UBTD2: variants seen among roughly 807,000 people sequenced by gnomAD.
UBTD2 encodes ubiquitin domain containing 2.
Under a neutral mutation model 19.8 loss-of-function variants are expected in UBTD2, and 9 were observed. That is an observed-to-expected ratio of 0.46 (90% CI 0.27 to 0.79). The LOEUF is 0.79. UBTD2 is among the 30% of genes least tolerant of loss of function. The probability of loss-of-function intolerance (pLI) is 0.14; values close to 1 mark genes in which losing one functional copy is unlikely to be tolerated. For synonymous variants in UBTD2, 98 were observed against 103.9 expected, an observed-to-expected ratio of 0.94 and a Z score of 0.35; for missense variants, 250 against 300.4, an observed-to-expected ratio of 0.83 and a Z score of 1.24.
At chr5:172,234,546 A>G (rs911210803) in intron 1 of UBTD2, among the ~76,000 whole-genome samples, 188 bp from the exon 2 acceptor site, 1 of 152,258 alleles carries the variant, frequency 6.6e-6, no homozygotes, top group Non-Finnish European at 1.5e-5. Context: ...TAGAGACATT[A>G]GACTGCTCTA....
At chr5:172,266,779 G>A (rs778125414) in intron 1 of UBTD2, among the ~76,000 whole-genome samples, 5 of 152,192 alleles carry the variant, frequency 3.3e-5, no homozygotes, top group South Asian at 4.1e-4. Context: ...GCTCATGCCT[G>A]TGATCCCAAC....
chr5:172,272,912 C>A (rs1755524904), intron 1 of UBTD2, among the ~76,000 whole-genome samples: 1 of 152,014 alleles, frequency 6.6e-6, no homozygotes, highest in Non-Finnish European at 1.5e-5. Flanking sequence ...AACCCCATCT[C>A]TACTAAAAAT....
chr5:172,249,012 A>T (rs895294113), intron 1 of UBTD2, among the ~76,000 whole-genome samples: 1 of 152,086 alleles, frequency 6.6e-6, no homozygotes, highest in African/African-American at 2.4e-5. Context: ...AAATAGAAAG[A>T]CTTTTAGCTA....
At chr5:172,273,548 A>ACG (rs1327367970) in intron 1 of UBTD2, among the ~76,000 whole-genome samples, 28 of 139,686 alleles carry the variant, frequency 2.0e-4, no homozygotes, top group African/African-American at 7.5e-4. Context: ...CCGAGATTGT[A>ACG]CCACTGCGCT....
chr5:172,242,385 T>C (rs1772150249), intron 1 of UBTD2: 1 of 985,274 alleles, frequency 1.0e-6, no homozygotes, highest in East Asian at 1.1e-4. Flanking sequence ...CCAAAATGTT[T>C]TTCATACCAA....
At chr5:172,232,519 A>C (rs1345036999) in intron 2 of UBTD2, among the ~76,000 whole-genome samples, 1 of 152,172 alleles carries the variant, frequency 6.6e-6, no homozygotes, top group Non-Finnish European at 1.5e-5. Context: ...AAGCACAATT[A>C]ATCAGAAAAC....
chr5:172,234,460 C>T, intron 1 of UBTD2, 102 bp from the exon 2 acceptor site: 2 of 1,035,916 alleles, frequency 1.9e-6, no homozygotes, highest in South Asian at 3.0e-5. Flanking sequence ...ATCAAAATCA[C>T]AGCCAGAAAT....
intron 1 of UBTD2, among the ~76,000 whole-genome samples, chr5:172,278,527 A>T (rs1755651625): frequency 6.6e-6 from 1 of 152,096 alleles, no homozygotes; most frequent in African/African-American, 2.4e-5. Context: ...GGGGAAAAAA[A>T]AAAAAAAGCG....
chr5:172,255,762 G>A (rs1755131811), intron 1 of UBTD2, among the ~76,000 whole-genome samples: 1 of 152,122 alleles, frequency 6.6e-6, no homozygotes, highest in South Asian at 2.1e-4. Context: ...ACCCAGGGTG[G>A]GAGGGTCAGG....
At chr5:172,274,963 C>A (rs1026254419) in intron 1 of UBTD2, among the ~76,000 whole-genome samples, 1 of 152,164 alleles carries the variant, frequency 6.6e-6, no homozygotes, top group Non-Finnish European at 1.5e-5. Context: ...ATGAACCCAG[C>A]AGGTGGAGTT....
chr5:172,276,297 C>A (rs1483591029), intron 1 of UBTD2, among the ~76,000 whole-genome samples: 1 of 152,118 alleles, frequency 6.6e-6, no homozygotes, highest in Non-Finnish European at 1.5e-5. Flanking sequence ...TCAGTACATT[C>A]TTTTCATCAG....
chr5:172,245,895 C>T (rs775326596), intron 1 of UBTD2, among the ~76,000 whole-genome samples: 1 of 152,172 alleles, frequency 6.6e-6, no homozygotes, highest in Non-Finnish European at 1.5e-5. Context: ...TGATTGCCTG[C>T]TGAAACAAAA....
intron 2 of UBTD2, among the ~76,000 whole-genome samples, chr5:172,232,613 C>A (rs886818310): frequency 6.6e-5 from 10 of 152,134 alleles, no homozygotes; most frequent in Non-Finnish European, 1.3e-4. Flanking sequence ...ATAACCTCAG[C>A]ACTTTGGGAG....
intron 1 of UBTD2, among the ~76,000 whole-genome samples, chr5:172,272,657 G>C (rs1755517459): frequency 6.6e-6 from 1 of 152,182 alleles, no homozygotes; most frequent in African/African-American, 2.4e-5. Flanking sequence ...GCAAAATTTT[G>C]TTACTAGTGA....
chr5:172,250,543 T>C (rs1044902056), intron 1 of UBTD2, among the ~76,000 whole-genome samples: 9 of 152,106 alleles, frequency 5.9e-5, no homozygotes, highest in Admixed American at 5.9e-4. Flanking sequence ...CAAAAAAGTC[T>C]TAGGAACTGT....
In UBTD2 at chr5:172,231,682, A is replaced by G. The variant is rs138748953; in HGVS notation, c.307+2440T>C. On this transcript the variant is annotated intron_variant, in intron 2 of 2. Coordinates refer to ENST00000393792, the MANE Select transcript of UBTD2 (RefSeq NM_152277.3). ...ACAAAATAAGAAATTCAAAGTTCCA[A>G]CATTCTGGATCTCACACAATCACAC... is the stretch of plus-strand genomic sequence containing the variant. Among the ~76,000 whole-genome samples, 3 of 152,314 alleles carry G rather than the reference A, an allele frequency of 2.0e-5. No homozygotes were observed. The East Asian group carries it at 5.8e-4, about 29-fold the overall frequency.
chr5:172,259,033 G>C (rs1755214380), intron 1 of UBTD2, among the ~76,000 whole-genome samples: 1 of 152,184 alleles, frequency 6.6e-6, no homozygotes, highest in African/African-American at 2.4e-5. Flanking sequence ...TGGTTCTCAA[G>C]GGGAATGTTT....
At chr5:172,247,558 A>G (rs181024818) in intron 1 of UBTD2, among the ~76,000 whole-genome samples, 8 of 152,366 alleles carry the variant, frequency 5.3e-5, no homozygotes, top group Admixed American at 3.3e-4. Context: ...TACAGTGGCT[A>G]TATTTGTAAA....
At chr5:172,221,321 T>C (rs756026002) in intron 2 of UBTD2, among the ~76,000 whole-genome samples, 2 of 151,470 alleles carry the variant, frequency 1.3e-5, no homozygotes, top group East Asian at 1.9e-4. Context: ...CTGGGTAACA[T>C]AGCAAGGCCC....
Sources: allele counts gnomAD v4.1 joint callset (sites outside exome capture counted in the v4.1 genomes callset), GRCh38; gene constraint gnomAD v4.1.1; transcripts MANE v1.5; gene names NCBI Gene and HGNC (gene_info 2026-07-23, HGNC 2026-07-21).